THUMPD2: variants seen among roughly 807,000 people sequenced by gnomAD.
THUMPD2 encodes the protein U6 snRNA (guanine-N(2))-methyltransferase THUMPD2.
A neutral mutation model predicts 49.4 loss-of-function variants in THUMPD2; 56 were observed. The observed-to-expected ratio is 1.13, with a 90% CI of 0.91 to 1.41. The LOEUF is 1.41. THUMPD2 is among the 40% of genes most tolerant of loss of function. THUMPD2 has a pLI of 0.00. For missense variants in THUMPD2, 709 were observed against 594.5 expected (o/e 1.19, Z -2.00); for synonymous variants, 237 against 205.2 (o/e 1.15, Z -1.32).
At chr2:39,739,860 A>G (rs1673671692) in intron 9 of THUMPD2, among the ~76,000 whole-genome samples, 1 of 152,220 alleles carries the variant, frequency 6.6e-6, no homozygotes, top group Non-Finnish European at 1.5e-5. Context: ...GAAGACAGAA[A>G]CTGAAGTAAC....
intron 9 of THUMPD2, among the ~76,000 whole-genome samples, chr2:39,744,005 A>G (rs1467541347): frequency 2.0e-5 from 3 of 149,848 alleles, no homozygotes; most frequent in Non-Finnish European, 4.4e-5. Flanking sequence ...CCAGATTCTC[A>G]TCTGTTAAGT....
chr2:39,747,560 C>T (rs73924917), intron 8 of THUMPD2, among the ~76,000 whole-genome samples: 8,212 of 151,804 alleles, frequency 0.054, 372 homozygotes, highest in African/African-American at 0.12. Context: ...AAATTATATG[C>T]TTTGAAATAT....
chr2:39,776,661 G>T (rs1329965822), intron 1 of THUMPD2, among the ~76,000 whole-genome samples: 1 of 152,124 alleles, frequency 6.6e-6, no homozygotes, highest in Non-Finnish European at 1.5e-5. Flanking sequence ...AAAGTGCTGG[G>T]ATTACAGGCA....
chr2:39,776,957 C>T (rs1027125469), intron 1 of THUMPD2, among the ~76,000 whole-genome samples: 1 of 152,204 alleles, frequency 6.6e-6, no homozygotes, highest in East Asian at 1.9e-4. Context: ...TGGAAAAACA[C>T]ATTAAAATGA....
At position 39,742,536 on chromosome 2, in the gene THUMPD2, G is replaced by A. The variant is rs186219198; in HGVS notation, c.1187+1834C>T. ...ATACTGCCCTCCACTGACTTGTAGA[G>A]GTGCTATAATATGCAGCATTAGATT... On this transcript the variant is annotated intron_variant, in intron 9 of 9. Transcript: ENST00000505747. Among the ~76,000 whole-genome samples, 548 of 152,282 alleles carry A rather than the reference G, an allele frequency of 3.6e-3. 3 individuals carry two copies. Among genetic ancestry groups the A allele is most frequent in the African/African-American group, 0.012 (502 of 41,556 alleles).
chr2:39,742,787 C>G (rs1674076584), intron 9 of THUMPD2, among the ~76,000 whole-genome samples: 1 of 152,118 alleles, frequency 6.6e-6, no homozygotes, highest in South Asian at 2.1e-4. Flanking sequence ...AAGTTAGCGC[C>G]TTCGTGGGGA....
Position 39,757,141 on chromosome 2 carries a change from G to C in THUMPD2, c.892-1181C>G, listed in dbSNP as rs142453719. The C allele has an allele frequency of 2.1e-3, 698 of 334,666 alleles. 8 individuals are homozygous for C. Among genetic ancestry groups the C allele is most frequent in the African/African-American group, 0.014 (652 of 45,950 alleles). The allele number at this position is 334,666 out of a possible 1,614,324, so 20.7% of individuals were successfully genotyped here. On this transcript the variant is annotated intron_variant, in intron 6 of 9. Coordinates refer to ENST00000505747, the MANE Select transcript of THUMPD2 (RefSeq NM_025264.5). ...ACAGGAATGAGAGGGAGAGAACTCTGACTGGGGTGATCTGATGGCATGTGC... is the reference window on the plus strand; with the variant it reads ...ACAGGAATGAGAGGGAGAGAACTCTCACTGGGGTGATCTGATGGCATGTGC...
At chr2:39,757,435 G>C (rs750547046) in intron 6 of THUMPD2, 1 of 1,298,972 alleles carries the variant, frequency 7.7e-7, no homozygotes, top group Non-Finnish European at 1.0e-6. Flanking sequence ...ATTTTAAAGA[G>C]AATATCACAC....
chr2:39,756,997 G>T (rs1397761761), intron 6 of THUMPD2, among the ~76,000 whole-genome samples: 1 of 151,718 alleles, frequency 6.6e-6, no homozygotes, highest in Non-Finnish European at 1.5e-5. Flanking sequence ...ACCCTTCTGG[G>T]TATGACAAGG....
chr2:39,744,503 C>T, intron 8 of THUMPD2, 25 bp from the exon 9 acceptor site: 1 of 1,429,502 alleles, frequency 7.0e-7, no homozygotes, highest in East Asian at 2.5e-5. Flanking sequence ...TCAGAGAATC[C>T]TATTACAGTA....
In THUMPD2 at chr2:39,779,086, C is replaced by T. The variant is rs553259521; in HGVS notation, c.126+28G>A. 226 of 1,493,408 alleles carry T rather than the reference C, an allele frequency of 1.5e-4. 4 individuals carry two copies. The East Asian group carries it at 5.5e-3, about 36-fold the overall frequency. 92.5% of individuals were successfully genotyped at this position (1,493,408 alleles called of 1,614,324 possible). ...AGGGCAGGGACAGGGCCGCCCACCT[C>T]CCCAGGCGCGCAGCGAGGCCAACTC... On this transcript the variant is annotated intron_variant, in intron 1 of 9. Coordinates refer to ENST00000505747, the MANE Select transcript of THUMPD2 (RefSeq NM_025264.5).
At chr2:39,767,318 A>C (rs1461291683) in intron 4 of THUMPD2, among the ~76,000 whole-genome samples, 3 of 152,176 alleles carry the variant, frequency 2.0e-5, no homozygotes, top group Non-Finnish European at 2.9e-5. Flanking sequence ...AAGAATTGGA[A>C]AGGGGGCCGG....
At chr2:39,764,398 T>C (rs949637497) in intron 5 of THUMPD2, among the ~76,000 whole-genome samples, 12 of 152,214 alleles carry the variant, frequency 7.9e-5, no homozygotes, top group African/African-American at 2.2e-4. Flanking sequence ...GTGGAGAAGA[T>C]AGAATTCAAG....
chr2:39,762,104 T>A (rs6753279), intron 5 of THUMPD2, among the ~76,000 whole-genome samples: 2 of 152,154 alleles, frequency 1.3e-5, no homozygotes, highest in Non-Finnish European at 2.9e-5. Context: ...TCTGTCTTTC[T>A]AATGCAATGA....
chr2:39,778,810 A>G (rs1679456921), intron 1 of THUMPD2, among the ~76,000 whole-genome samples: 1 of 152,268 alleles, frequency 6.6e-6, no homozygotes, highest in African/African-American at 2.4e-5. Flanking sequence ...CTGACAGGCC[A>G]GATTCTAATT....
intron 2 of THUMPD2, among the ~76,000 whole-genome samples, chr2:39,770,408 A>G (rs1188654953): frequency 1.3e-5 from 2 of 152,152 alleles, no homozygotes; most frequent in South Asian, 2.1e-4. Flanking sequence ...TAATATATGT[A>G]TCTCTTCAAT....
intron 4 of THUMPD2, among the ~76,000 whole-genome samples, chr2:39,766,888 T>G (rs1239342493): frequency 6.6e-6 from 1 of 152,228 alleles, no homozygotes; most frequent in Non-Finnish European, 1.5e-5. Flanking sequence ...CCTGATTAAC[T>G]GATACATCAC....
intron 1 of THUMPD2, among the ~76,000 whole-genome samples, chr2:39,775,454 A>G (rs1182698265): frequency 6.6e-6 from 1 of 152,062 alleles, no homozygotes; most frequent in Non-Finnish European, 1.5e-5. Flanking sequence ...GGAATTCAAA[A>G]ATATGTTTCA....
At chr2:39,763,194 T>G (rs1285110260) in intron 5 of THUMPD2, among the ~76,000 whole-genome samples, 1 of 152,034 alleles carries the variant, frequency 6.6e-6, no homozygotes, top group African/African-American at 2.4e-5. Context: ...TTGTACACCT[T>G]GTACCACCAA....
Sources: gnomAD v4.1 joint callset for allele counts (sites outside exome capture counted in the v4.1 genomes callset) on GRCh38, gnomAD v4.1.1 for gene constraint, MANE v1.5 for transcripts, NCBI Gene and HGNC (gene_info 2026-07-23, HGNC 2026-07-21) for gene names.